Variants in COPB1 observed in about 807,000 individuals in gnomAD.
COPB1 encodes the protein coatomer subunit beta.
In COPB1, 21 loss-of-function variants were observed where a neutral mutation model predicts 108.7. That is an observed-to-expected ratio of 0.19 (90% CI 0.14 to 0.28). COPB1 has a LOEUF of 0.28. Ranked by LOEUF, COPB1 falls within the 10% of genes least tolerant of loss-of-function variation. COPB1 has a pLI of 1.00. For missense variants in COPB1, 919 were observed against 1,141.3 expected (o/e 0.81, Z 2.81); for synonymous variants, 378 against 386.8 (o/e 0.98, Z 0.27).
intron 2 of COPB1, among the ~76,000 whole-genome samples, chr11:14,497,006 TC>T: frequency 6.6e-6 from 1 of 152,210 alleles, no homozygotes; most frequent in South Asian, 2.1e-4. Flanking sequence ...ATGAAACTTG[TC>T]CCCCATCTCT....
In COPB1 at chr11:14,479,523, A is replaced by G. The variant is rs1015241131; in HGVS notation, c.1358+46T>C. ...ACTGACCCTTTAAAGATAAAAACTG[A>G]TAAAATGCTTACTTGACCTTACATT... is the stretch of plus-strand genomic sequence containing the variant. On this transcript the variant is annotated intron_variant, in intron 11 of 21. Transcript: ENST00000439561. 21 of 1,548,032 alleles carry G rather than the reference A, an allele frequency of 1.4e-5. No individual in the cohort carries two copies. The African/African-American group carries it at 2.9e-4, about 21-fold the overall frequency.
chr11:14,486,462 A>T lies in COPB1; in HGVS notation c.742T>A (p.Cys248Ser). Residue 248 changes from cysteine to serine, a missense_variant, in exon 7 of 22, where the codon TGC becomes AGC. Cys to Ser is a moderately radical substitution (Grantham distance 112, BLOSUM62 -1). Around this residue, in one of 5 missense-constraint regions of COPB1, gnomAD observed 22 missense variants for 61.0 expected, o/e 0.36. Transcript: ENST00000439561. ...GATGACTGTAATAAGTTATAGATGC[A>T]GCGAATAAAACGAGCTCTTTCTGAT... is the stretch of plus-strand genomic sequence containing the variant. ...NPSERARFIRCIYNLLQSSSP... is the reference protein window; with the variant it reads ...NPSERARFIRSIYNLLQSSSP... 6.2e-7 allele frequency: 1 copy of T among 1,614,116 alleles called. No individual in the cohort carries two copies. Among genetic ancestry groups the T allele is most frequent in the Non-Finnish European group, 8.5e-7 (1 of 1,180,022 alleles).
chr11:14,487,153 G>GT (rs1223257584), intron 6 of COPB1, among the ~76,000 whole-genome samples: 6 of 152,166 alleles, frequency 3.9e-5, no homozygotes, highest in African/African-American at 1.4e-4. Flanking sequence ...CATTCTAAAT[G>GT]TATCCTGATA....
chr11:14,484,488 G>A (rs1387680267), intron 7 of COPB1, among the ~76,000 whole-genome samples: 1 of 152,200 alleles, frequency 6.6e-6, no homozygotes, highest in African/African-American at 2.4e-5. Flanking sequence ...GGGAGGTCGA[G>A]GCGGGTGGAT....
At chr11:14,479,192 G>C (rs936033197) in intron 11 of COPB1, among the ~76,000 whole-genome samples, 1 of 152,086 alleles carries the variant, frequency 6.6e-6, no homozygotes, top group Non-Finnish European at 1.5e-5. Flanking sequence ...ATTAGCAAAG[G>C]CTCTCTGAAG....
At chr11:14,481,499 A>C (rs569649927) in intron 8 of COPB1, among the ~76,000 whole-genome samples, 5 of 152,216 alleles carry the variant, frequency 3.3e-5, no homozygotes, top group Non-Finnish European at 7.3e-5. Flanking sequence ...GTCCAAAATT[A>C]AGAGACTGAA....
At chr11:14,458,499 CAG>C in intron 21 of COPB1, 31 bp downstream of exon 21, 1 of 1,586,216 alleles carries the variant, frequency 6.3e-7, no homozygotes, top group Non-Finnish European at 8.6e-7. Context: ...TTTGTCAGTC[CAG>C]AGATACTCTC....
At chr11:14,470,836 C>T (rs934444958) in intron 14 of COPB1, among the ~76,000 whole-genome samples, 3 of 151,610 alleles carry the variant, frequency 2.0e-5, no homozygotes, top group African/African-American at 7.3e-5. Flanking sequence ...CACACTAAGG[C>T]ATATCCTAAT....
Position 14,483,040 on chromosome 11 carries a change from C to G in COPB1, c.949G>C (p.Val317Leu). ...ELKEHPAHER[V>L]LQDLVMDILR... ...TTTCAGATAACACTTACCTGTAGTA[C>G]TCGTTCATGAGCAGGATGCTCTTTT... The change falls in exon 8 of 22, where the codon GTA becomes CTA. Residue 317 changes from valine (V) to leucine (L), a missense_variant. Transcript: ENST00000439561. 2 of 1,566,714 alleles carry G rather than the reference C, an allele frequency of 1.3e-6. No homozygotes were observed. Among genetic ancestry groups the G allele is most frequent in the Non-Finnish European group, 1.7e-6 (2 of 1,145,886 alleles).
intron 2 of COPB1, among the ~76,000 whole-genome samples, chr11:14,497,409 C>T (rs1007038075): frequency 6.6e-6 from 1 of 151,356 alleles, no homozygotes; most frequent in Non-Finnish European, 1.5e-5. Flanking sequence ...TTCACAAAGA[C>T]ATACAATTGG....
intron 4 of COPB1, 114 bp from the exon 5 acceptor site, chr11:14,490,793 T>C: frequency 6.0e-6 from 1 of 167,726 alleles, no homozygotes; most frequent in Non-Finnish European, 1.2e-5. Flanking sequence ...ATACTTTTGC[T>C]TTTTTTTTTT....
chr11:14,490,666 G>C lies in COPB1; in HGVS notation c.505C>G (p.Leu169Val). ...ATCAGTTCAGGAGCATCAGGTATAA[G>C]ATGTTCAAAATTTCTTTAAATAAAA... ...IYTIYRNFEH[L>V]IPDAPELIHD... Residue 169 changes from leucine to valine, a missense_variant, in exon 5 of 22, where the codon CTT becomes GTT. By Grantham distance (32) the Leu-to-Val change is conservative (BLOSUM62 1). Transcript: ENST00000439561. 6.2e-7 allele frequency: 1 copy of C among 1,600,534 alleles called. No homozygotes were observed. Among genetic ancestry groups the C allele is most frequent in the South Asian group, 1.1e-5 (1 of 88,212 alleles).
rs542454924 is a variant in COPB1 at position 14,483,112 on chromosome 11, T to G, written c.877A>C (p.Ser293Arg). 6.3e-7 allele frequency: 1 copy of G among 1,590,466 alleles called. No individual in the cohort carries two copies. The highest frequency in any genetic ancestry group is 1.1e-5 in the South Asian group (1 of 89,580). ...ACTATGAGTTTTACATTGTTGTCGC[T>G]CTCCTTAATAATTAAATCAATGTAA... ...QCYIDLIIKE[S>R]DNNVKLIVLD... Residue 293 changes from serine (S) to arginine (R), a missense_variant, in exon 8 of 22, where the codon AGC (serine) becomes CGC (arginine). Around this residue, in one of 5 missense-constraint regions of COPB1, gnomAD observed 705 missense variants for 817.8 expected, o/e 0.86. Coordinates refer to ENST00000439561, the MANE Select transcript of COPB1 (RefSeq NM_001144061.2).
At chr11:14,477,669 C>T (rs1234566460) in intron 11 of COPB1, among the ~76,000 whole-genome samples, 3 of 151,806 alleles carry the variant, frequency 2.0e-5, no homozygotes, top group Non-Finnish European at 4.4e-5. Flanking sequence ...CTGAGGCGGG[C>T]GGATCACCTG....
At chr11:14,468,914 G>C in intron 15 of COPB1, 54 bp from the exon 16 acceptor site, 1 of 1,491,426 alleles carries the variant, frequency 6.7e-7, no homozygotes, top group Admixed American at 1.9e-5. Context: ...TAGTTTTTTA[G>C]AGGCTTTTGA....
rs754812220 is a variant in COPB1 at position 14,498,800 on chromosome 11, T to C, written c.91+38A>G. ...ATGAGTTTTTTATTTTTGTTTTTTC[T>C]TTTTTCATTTCATTCTCAAAATAAT... On this transcript the variant is annotated intron_variant, in intron 2 of 21. Transcript: ENST00000439561. 4.0e-6 allele frequency: 6 copies of C among 1,501,018 alleles called. No homozygotes were observed. The South Asian group carries it at 6.2e-5, about 16-fold the overall frequency. 93.0% of individuals were successfully genotyped at this position (1,501,018 alleles called of 1,614,324 possible).
intron 18 of COPB1, among the ~76,000 whole-genome samples, chr11:14,462,647 G>A (rs1219962936): frequency 6.6e-5 from 10 of 151,942 alleles, no homozygotes; most frequent in African/African-American, 9.7e-5. Context: ...TCTCTCTCTT[G>A]GAATTCACTC....
chr11:14,461,606 G>T (rs1228251365), intron 18 of COPB1, among the ~76,000 whole-genome samples: 1 of 152,202 alleles, frequency 6.6e-6, no homozygotes, highest in African/African-American at 2.4e-5. Context: ...CTGATAAGTG[G>T]TGGGGATAGG....
chr11:14,475,070 G>C (rs1254971861), intron 13 of COPB1, among the ~76,000 whole-genome samples: 2 of 133,684 alleles, frequency 1.5e-5, no homozygotes, highest in Non-Finnish European at 3.1e-5. Flanking sequence ...CTCTAGCGTG[G>C]CCGACAGAGC....
Sources: gnomAD v4.1 joint callset for allele counts (sites outside exome capture counted in the v4.1 genomes callset) on GRCh38, gnomAD v4.1.1 for gene constraint, gnomAD v4.1.1 regional missense constraint, MANE v1.5 for transcripts, NCBI Gene and HGNC (gene_info 2026-07-23, HGNC 2026-07-21) for gene names.